Variants in ASAP2 observed in about 807,000 individuals in gnomAD.
ASAP2 encodes ArfGAP with SH3 domain, ankyrin repeat and PH domain 2.
ASAP2 carries 45 observed loss-of-function variants against 131.4 expected under a neutral mutation model. That is an observed-to-expected ratio of 0.34 (90% CI 0.27 to 0.44). The LOEUF is 0.44. ASAP2 is among the 20% of genes least tolerant of loss of function. The pLI is 1.00. For synonymous variants in ASAP2, 510 were observed against 503.0 expected (o/e 1.01, Z -0.19); for missense variants, 1,011 against 1,297.0 (o/e 0.78, Z 3.39).
chr2:9,326,993 AAG>A (rs1183597655), intron 6 of ASAP2, among the ~76,000 whole-genome samples: 4 of 152,232 alleles, frequency 2.6e-5, no homozygotes, highest in Non-Finnish European at 5.9e-5. Context: ...ATCAAAAAGA[AAG>A]AGGGAAAGAA....
chr2:9,310,980 A>G (rs997804599), intron 3 of ASAP2, among the ~76,000 whole-genome samples: 3 of 152,090 alleles, frequency 2.0e-5, no homozygotes, highest in Non-Finnish European at 1.5e-5. Flanking sequence ...TTTTATTTCT[A>G]CTTGTGAGAT....
At chr2:9,317,221 A>G (rs1041986192) in intron 3 of ASAP2, among the ~76,000 whole-genome samples, 1 of 144,546 alleles carries the variant, frequency 6.9e-6, no homozygotes, top group Non-Finnish European at 1.5e-5. Flanking sequence ...ATCCACACTC[A>G]CACAATCACA....
intron 1 of ASAP2, among the ~76,000 whole-genome samples, chr2:9,234,110 C>CAAA (rs70948810): frequency 1.0e-4 from 8 of 76,588 alleles, no homozygotes; most frequent in Non-Finnish European, 1.5e-4. Context: ...AGCTATGTCT[C>CAAA]AAAAAAAAAA....
At chr2:9,323,002 G>A (rs1322615022) in intron 5 of ASAP2, 119 bp from the exon 6 acceptor site, 2 of 1,245,730 alleles carry the variant, frequency 1.6e-6, no homozygotes, top group Non-Finnish European at 2.2e-6. Flanking sequence ...GAGGCTGCCT[G>A]TGCTGAAACG....
At chr2:9,380,131 T>C (rs1035608609) in intron 19 of ASAP2, among the ~76,000 whole-genome samples, 2 of 152,200 alleles carry the variant, frequency 1.3e-5, no homozygotes, top group South Asian at 4.1e-4. Context: ...ATCGCTTTAT[T>C]CAATGAGTTA....
At chr2:9,317,758 C>G (rs946605128) in intron 3 of ASAP2, among the ~76,000 whole-genome samples, 5 of 150,420 alleles carry the variant, frequency 3.3e-5, no homozygotes, top group Non-Finnish European at 7.4e-5. Flanking sequence ...ACACTCACAT[C>G]CGTACACAAT....
intron 1 of ASAP2, among the ~76,000 whole-genome samples, chr2:9,260,030 G>A (rs1037135371): frequency 9.4e-6 from 1 of 105,852 alleles, no homozygotes; most frequent in Non-Finnish European, 1.9e-5. Context: ...GCCCCAGGCA[G>A]GCTGGCCTCT....
chr2:9,323,096 G>T (rs773936428), intron 5 of ASAP2, 25 bp from the exon 6 acceptor site: 10 of 1,613,640 alleles, frequency 6.2e-6, no homozygotes, highest in South Asian at 1.1e-5. Context: ...CAGGCATCTT[G>T]ATGTATCCTT....
At chr2:9,288,617 A>G (rs1377435700) in intron 2 of ASAP2, among the ~76,000 whole-genome samples, 7 of 152,182 alleles carry the variant, frequency 4.6e-5, no homozygotes, top group Non-Finnish European at 7.3e-5. Flanking sequence ...TGCTTTGCCA[A>G]CATGAACTCT....
At chr2:9,390,115 A>AT (rs935370558) in intron 22 of ASAP2, among the ~76,000 whole-genome samples, 6 of 151,852 alleles carry the variant, frequency 4.0e-5, no homozygotes, top group East Asian at 1.9e-4. Flanking sequence ...AAGGGTTTTG[A>AT]TTTTTTTTCC....
At chr2:9,238,617 G>A (rs949981377) in intron 1 of ASAP2, among the ~76,000 whole-genome samples, 6 of 152,184 alleles carry the variant, frequency 3.9e-5, no homozygotes, top group Admixed American at 6.5e-5. Context: ...GTTTGCATGG[G>A]GAGGAGAGGC....
chr2:9,384,785 C>T (rs1174994831), intron 20 of ASAP2, among the ~76,000 whole-genome samples: 2 of 152,206 alleles, frequency 1.3e-5, no homozygotes, highest in Non-Finnish European at 2.9e-5. Context: ...AACCAGTCCT[C>T]TTTGATTTTT....
At chr2:9,400,874 G>C in intron 26 of ASAP2, 44 bp downstream of exon 26, 10 of 1,578,546 alleles carry the variant, frequency 6.3e-6, no homozygotes, top group Non-Finnish European at 8.7e-6. Context: ...TCTAGCCAGG[G>C]GGGTGCAGGT....
At chr2:9,305,879 G>T (rs1433899040) in intron 3 of ASAP2, among the ~76,000 whole-genome samples, 1 of 150,130 alleles carries the variant, frequency 6.7e-6, no homozygotes, top group African/African-American at 2.5e-5. Context: ...TAGTAGTGGG[G>T]TATAGATATT....
chr2:9,351,554 G>A (rs1279882332), intron 12 of ASAP2, among the ~76,000 whole-genome samples: 4 of 152,146 alleles, frequency 2.6e-5, no homozygotes, highest in Middle Eastern at 3.2e-3. Flanking sequence ...GGAAGAAAGG[G>A]CCAGTCTCCC....
chr2:9,300,659 T>C (rs1384443132), intron 3 of ASAP2, among the ~76,000 whole-genome samples: 2 of 152,238 alleles, frequency 1.3e-5, no homozygotes, highest in Non-Finnish European at 2.9e-5. Flanking sequence ...TCTTGGCAGC[T>C]GTGCAGGATA....
At chr2:9,280,635 A>G (rs924361840) in intron 2 of ASAP2, among the ~76,000 whole-genome samples, 3 of 152,216 alleles carry the variant, frequency 2.0e-5, no homozygotes, top group African/African-American at 7.2e-5. Context: ...AAGAGTCACC[A>G]CTGTTAGTGT....
intron 1 of ASAP2, among the ~76,000 whole-genome samples, chr2:9,221,830 T>C (rs1313622320): frequency 1.3e-5 from 2 of 152,266 alleles, no homozygotes; most frequent in Non-Finnish European, 2.9e-5. Flanking sequence ...AGTCTCGCTC[T>C]GTCGCCCAGG....
chr2:9,371,508 G>A (rs1466024908), intron 16 of ASAP2, among the ~76,000 whole-genome samples: 2 of 152,170 alleles, frequency 1.3e-5, no homozygotes, highest in East Asian at 3.9e-4. Flanking sequence ...CAGATGAAAA[G>A]GAATACACTG....
Sources: allele counts gnomAD v4.1 joint callset (sites outside exome capture counted in the v4.1 genomes callset), GRCh38; gene constraint gnomAD v4.1.1; transcripts MANE v1.5; gene names NCBI Gene and HGNC (gene_info 2026-07-23, HGNC 2026-07-21).